The following JPH3 variants were observed in gnomAD, a reference collection of about 807,000 sequenced individuals.
JPH3 encodes junctophilin 3.
A neutral mutation model predicts 59.6 loss-of-function variants in JPH3; 11 were observed. The observed-to-expected ratio is 0.18, with a 90% CI of 0.12 to 0.31. JPH3 has a LOEUF of 0.31. Among genes scored for constraint, JPH3 ranks in the 10% least tolerant of loss-of-function variants. The pLI is 1.00. For synonymous variants in JPH3, 673 were observed against 483.6 expected, an observed-to-expected ratio of 1.39 and a Z score of -5.14; for missense variants, 1,202 against 1,105.7, an observed-to-expected ratio of 1.09 and a Z score of -1.24.
At chr16:87,626,534 G>A (rs916888034) in intron 1 of JPH3, among the ~76,000 whole-genome samples, 4 of 152,230 alleles carry the variant, frequency 2.6e-5, no homozygotes, top group East Asian at 3.9e-4. Flanking sequence ...GGTTTTCCCC[G>A]AGGTGCCGGC....
intron 2 of JPH3, among the ~76,000 whole-genome samples, chr16:87,648,143 C>T (rs1463468115): frequency 6.6e-6 from 1 of 152,058 alleles, no homozygotes; most frequent in Non-Finnish European, 1.5e-5. Context: ...AGGTGGGAGG[C>T]TACACAGTAT....
At chr16:87,604,004 CA>C (rs1245505020) in intron 1 of JPH3, 1 of 875,962 alleles carries the variant, frequency 1.1e-6, no homozygotes, top group Non-Finnish European at 1.4e-6. Context: ...CGAATCTGCC[CA>C]AGCCGAGAGA....
intron 1 of JPH3, among the ~76,000 whole-genome samples, chr16:87,630,111 G>A (rs536090835): frequency 3.9e-5 from 6 of 152,266 alleles, no homozygotes; most frequent in Non-Finnish European, 5.9e-5. Context: ...TCAGTTGACT[G>A]TCTGAGTCTT....
intron 1 of JPH3, among the ~76,000 whole-genome samples, chr16:87,620,889 G>A (rs187300237): frequency 2.0e-5 from 3 of 152,338 alleles, no homozygotes; most frequent in South Asian, 2.1e-4. Context: ...GGCTGGGTAC[G>A]GTGGCTCGCG....
Position 87,672,706 on chromosome 16 carries a change from C to T in JPH3, c.1161-11436C>T, listed in dbSNP as rs573517342. On this transcript the variant is annotated intron_variant, in intron 2 of 4. Coordinates refer to ENST00000284262, the MANE Select transcript of JPH3 (RefSeq NM_020655.4). ...AGCAGGGTGTCCACGTGGCTGGCCA[C>T]GTTTAGTTGATAAAAGTGGCATCTA... 3.3e-5 allele frequency among the ~76,000 whole-genome samples: 5 copies of T among 152,294 alleles called. No homozygotes were observed. The East Asian group carries it at 5.8e-4, about 18-fold the overall frequency.
chr16:87,673,229 A>G (rs2033062416), intron 2 of JPH3, among the ~76,000 whole-genome samples: 1 of 152,188 alleles, frequency 6.6e-6, no homozygotes, highest in Admixed American at 6.5e-5. Flanking sequence ...TCGACAAGAA[A>G]AAAAAATCAA....
At chr16:87,685,548 G>T (rs998987746) in intron 3 of JPH3, among the ~76,000 whole-genome samples, 1 of 152,248 alleles carries the variant, frequency 6.6e-6, no homozygotes, top group Admixed American at 6.5e-5. Flanking sequence ...CACGTGTAGC[G>T]TGCACGTGCA....
intron 2 of JPH3, among the ~76,000 whole-genome samples, chr16:87,670,358 G>C (rs977888079): frequency 1.3e-5 from 2 of 152,206 alleles, no homozygotes; most frequent in Non-Finnish European, 2.9e-5. Context: ...CAGGGTGGGT[G>C]GGGAGGTTCT....
chr16:87,661,504 G>T (rs746572399), intron 2 of JPH3, among the ~76,000 whole-genome samples: 1 of 152,252 alleles, frequency 6.6e-6, no homozygotes, highest in Non-Finnish European at 1.5e-5. Flanking sequence ...CTGGACTTTG[G>T]GGGTCCAGGA....
chr16:87,656,259 T>G (rs1432377697), intron 2 of JPH3, among the ~76,000 whole-genome samples: 1 of 152,174 alleles, frequency 6.6e-6, no homozygotes. Context: ...AGCCGAACCC[T>G]CAGCTGGAGT....
chr16:87,672,058 C>T (rs765668811), intron 2 of JPH3, among the ~76,000 whole-genome samples: 39 of 152,066 alleles, frequency 2.6e-4, no homozygotes, highest in Non-Finnish European at 3.4e-4. Flanking sequence ...GCGGTGCCCT[C>T]GCTCAACCGG....
intron 2 of JPH3, among the ~76,000 whole-genome samples, chr16:87,666,113 A>C (rs1258169253): frequency 6.7e-6 from 1 of 149,600 alleles, no homozygotes; most frequent in Non-Finnish European, 1.5e-5. Flanking sequence ...TTTTTGAGAC[A>C]GAGTTTCGCT....
At chr16:87,673,386 G>C (rs1282466724) in intron 2 of JPH3, among the ~76,000 whole-genome samples, 2 of 151,936 alleles carry the variant, frequency 1.3e-5, no homozygotes, top group South Asian at 2.1e-4. Context: ...CTTTGCTCGT[G>C]GGGGTGTAAA....
intron 1 of JPH3, chr16:87,604,132 GGA>G: frequency 1.0e-5 from 14 of 1,346,022 alleles, no homozygotes; most frequent in Non-Finnish European, 1.4e-5. Context: ...GCTGCTGGAG[GGA>G]GGAGGGAGGC....
At chr16:87,619,474 G>C (rs972451835) in intron 1 of JPH3, among the ~76,000 whole-genome samples, 3 of 152,198 alleles carry the variant, frequency 2.0e-5, no homozygotes, top group African/African-American at 7.2e-5. Flanking sequence ...GAGATAAACT[G>C]CGCTGGGTGT....
intron 1 of JPH3, among the ~76,000 whole-genome samples, chr16:87,639,734 A>G (rs531991676): frequency 1.3e-5 from 2 of 152,158 alleles, no homozygotes; most frequent in African/African-American, 4.8e-5. Context: ...TGATGACTCC[A>G]GGGACCCCAG....
rs374986259 is a variant in JPH3 at position 87,644,307 on chromosome 16, C to T, written c.432C>T (p.Val144=). ...GTGGCATGCGCCAGGGCTACGGCGT[C>T]CGGCAGAGCGTCCCGTATGGCATGG... ...WVGGMRQGYG[V]RQSVPYGMAA... The change falls in exon 2 of 5, where the codon GTC becomes GTT. Residue 144 remains valine, a synonymous_variant. Transcript: ENST00000284262. The T allele has an allele frequency of 6.2e-7, 1 of 1,612,780 alleles. No individual in the cohort carries two copies. Among genetic ancestry groups the T allele is most frequent in the Non-Finnish European group, 8.5e-7 (1 of 1,179,858 alleles).
intron 2 of JPH3, among the ~76,000 whole-genome samples, chr16:87,653,296 G>A (rs946905196): frequency 2.6e-5 from 4 of 152,194 alleles, no homozygotes; most frequent in Admixed American, 6.5e-5. Context: ...GCCCCAAGCT[G>A]GGGTCTGTGA....
intron 2 of JPH3, among the ~76,000 whole-genome samples, chr16:87,680,482 C>G (rs1341247311): frequency 6.6e-6 from 1 of 152,256 alleles, no homozygotes; most frequent in African/African-American, 2.4e-5. Context: ...TTGTGGGAGC[C>G]TCGCATGCAG....
Sources: gnomAD v4.1 joint callset for allele counts (sites outside exome capture counted in the v4.1 genomes callset) on GRCh38, gnomAD v4.1.1 for gene constraint, MANE v1.5 for transcripts, NCBI Gene and HGNC (gene_info 2026-07-23, HGNC 2026-07-21) for gene names.